Variants in PLG observed in about 807,000 individuals in gnomAD.
PLG encodes the protein plasmin.
Under a neutral mutation model 104.4 loss-of-function variants are expected in PLG, and 41 were observed. That is an observed-to-expected ratio of 0.39 (90% CI 0.31 to 0.51). The LOEUF is 0.51. Ranked by LOEUF, PLG falls within the 20% of genes least tolerant of loss-of-function variation. The probability of loss-of-function intolerance (pLI) is 0.76; values close to 1 mark genes in which losing one functional copy is unlikely to be tolerated. For missense variants in PLG, 891 were observed against 1,003.6 expected, an observed-to-expected ratio of 0.89 and a Z score of 1.52; for synonymous variants, 337 against 357.1, an observed-to-expected ratio of 0.94 and a Z score of 0.63.
chr6:160,753,503 T>C lies in PLG; in HGVS notation c.*442T>C, dbSNP rs529491948. Reference sequence around the variant, plus strand: ...GGGCTTGACATGCATTTTTACTGTCTTTATTCCTGACACTGAGATGAATGT... The same window carrying C: ...GGGCTTGACATGCATTTTTACTGTCCTTATTCCTGACACTGAGATGAATGT... On this transcript the variant is annotated 3_prime_UTR_variant, in exon 19 of 19. Transcript: ENST00000308192. The surrounding 1 kb of genome is among the most constrained non-coding windows in gnomAD (Gnocchi z 5.4). Among the ~76,000 whole-genome samples, 5 of 152,332 alleles carry C rather than the reference T, an allele frequency of 3.3e-5. No individual in the cohort carries two copies. In the South Asian group the frequency reaches 6.2e-4, roughly 19 times the overall value.
chr6:160,718,540 C>A, intron 8 of PLG, 84 bp downstream of exon 8: 1 of 1,365,930 alleles, frequency 7.3e-7, no homozygotes, highest in Non-Finnish European at 1.0e-6. Context: ...TGTAGGAACG[C>A]AGGATAAAGT....
rs1473718099 is a variant in PLG at position 160,738,363 on chromosome 6, C to G, written c.1803-175C>G. On this transcript the variant is annotated intron_variant, in intron 14 of 18. Transcript: ENST00000308192. This position sits in a 1 kb window ranked among gnomAD's most constrained non-coding sequence, Gnocchi z 6.8. ...CATAGATGGGCCCTTCTCAAAAATC[C>G]CACTCCTGGAGCACTGGCCAAAATT... 2 of 630,084 alleles carry G rather than the reference C, an allele frequency of 3.2e-6. No individual in the cohort carries two copies. The highest frequency in any genetic ancestry group is 5.8e-6 in the Non-Finnish European group (2 of 342,542). The allele number at this position is 630,084 out of a possible 1,614,324, so 39.0% of individuals were successfully genotyped here.
At chr6:160,730,880 AGTT>A in intron 10 of PLG, 168 bp from the exon 11 acceptor site, 3 of 649,396 alleles carry the variant, frequency 4.6e-6, no homozygotes, top group Non-Finnish European at 5.4e-6. Context: ...AAATGTACAC[AGTT>A]GTTTAGAAGT....
rs1331776637 is a variant in PLG, at chr6:160,740,901, A to G, written c.2019-410A>G. Among the ~76,000 whole-genome samples the G allele has an allele frequency of 1.3e-5, 2 of 152,160 alleles. No individual in the cohort carries two copies. Among genetic ancestry groups the G allele is most frequent in the African/African-American group, 4.8e-5 (2 of 41,428 alleles). On this transcript the variant is annotated intron_variant, in intron 16 of 18. Transcript: ENST00000308192. The surrounding 1 kb of genome is among the most constrained non-coding windows in gnomAD (Gnocchi z 5.2). ...GAGCAAGTTGCTCTGGGCACACAAC[A>G]CATTTGCAATTTTACAGCCTCTTGG... is the stretch of plus-strand genomic sequence containing the variant.
chr6:160,736,386 TACAC>T lies in PLG; in HGVS notation c.1682-488_1682-485del, dbSNP rs4252142. On this transcript the variant is annotated intron_variant, in intron 13 of 18. Coordinates refer to ENST00000308192, the MANE Select transcript of PLG (RefSeq NM_000301.5). This position sits in a 1 kb window ranked among gnomAD's most constrained non-coding sequence, Gnocchi z 5.2. ...GTAATCCTTGCTACATACAATCACATACACACACACACACACGTGCACACACAGA... is the reference window on the plus strand; with the variant it reads ...GTAATCCTTGCTACATACAATCACATACACACACACACGTGCACACACAGA... Among the ~76,000 whole-genome samples the T allele has an allele frequency of 1.3e-5, 2 of 150,956 alleles. No homozygotes were observed. The highest frequency in any genetic ancestry group is 2.4e-5 in the African/African-American group (1 of 41,148).
At chr6:160,728,335 T>TAA (rs3057064) in intron 10 of PLG, among the ~76,000 whole-genome samples, 10 of 111,608 alleles carry the variant, frequency 9.0e-5, no homozygotes, top group South Asian at 8.2e-4. Context: ...GCTTATATAT[T>TAA]AAGAGTCAAT....
chr6:160,707,293 G>T (rs1777546424), intron 2 of PLG, among the ~76,000 whole-genome samples: 1 of 152,138 alleles, frequency 6.6e-6, no homozygotes, highest in Admixed American at 6.5e-5. Context: ...AGGGGCCAGG[G>T]TGGGGTGGAA....
Position 160,731,264 on chromosome 6 carries a change from T to G in PLG, c.1438+32T>G, listed in dbSNP as rs533421068. ...AATCTGTGGCTGGACATCTACACAC[T>G]TGGACGCTGGGATGAAAAGCCATGG... On this transcript the variant is annotated intron_variant, in intron 11 of 18. Coordinates refer to ENST00000308192, the MANE Select transcript of PLG (RefSeq NM_000301.5). This position sits in a 1 kb window ranked among gnomAD's most constrained non-coding sequence, Gnocchi z 5.1. 1.2e-5 allele frequency: 18 copies of G among 1,555,616 alleles called. No homozygotes were observed. In the Admixed American group the frequency reaches 1.7e-4, roughly 14 times the overall value.
rs4252066 is a variant in PLG at position 160,706,093 on chromosome 6, G to A, written c.50-314G>A. 82,440 of 377,368 alleles carry A rather than the reference G, an allele frequency of 0.22. 10,689 individuals are homozygous for A. Among genetic ancestry groups the A allele is most frequent in the Non-Finnish European group, 0.28 (56,798 of 200,138 alleles). 23.4% of individuals were successfully genotyped at this position (377,368 alleles called of 1,614,324 possible). ...AAATTGCGTGACACTGAGCTTTGGG[G>A]TACAAATGATCCCATCACCCAGGTA... is the stretch of plus-strand genomic sequence containing the variant. On this transcript the variant is annotated intron_variant, in intron 1 of 18. Coordinates refer to ENST00000308192, the MANE Select transcript of PLG (RefSeq NM_000301.5).
At chr6:160,704,878 GA>G (rs1777488851) in intron 1 of PLG, among the ~76,000 whole-genome samples, 1 of 152,160 alleles carries the variant, frequency 6.6e-6, no homozygotes, top group East Asian at 1.9e-4. Flanking sequence ...GCCTTTCTGA[GA>G]ATGAAAATCT....
rs4252129 is a variant in PLG at position 160,731,873 on chromosome 6, C to T, written c.1567C>T (p.Arg523Trp). 19,169 of 1,614,034 alleles carry T rather than the reference C, an allele frequency of 0.012. 164 individuals are homozygous for T. The highest frequency in any genetic ancestry group is 0.015 in the Non-Finnish European group (17,944 of 1,179,928). Residue 523 changes from arginine to tryptophan, a missense_variant, in exon 12 of 19, where the codon CGG (arginine) becomes TGG (tryptophan). Arg to Trp is a moderately radical substitution (Grantham distance 101). Around this residue, in one of 2 missense-constraint regions of PLG, gnomAD observed 854 missense variants for 932.1 expected, o/e 0.92. Transcript: ENST00000308192. The surrounding 1 kb of genome is among the most constrained non-coding windows in gnomAD (Gnocchi z 5.1). ...HSIFTPETNP[R>W]AGLEKNYCRN... ...CATTTTCACTCCAGAGACAAATCCA[C>T]GGGCGGGTCTGGAAAAAAATGTAAG...
chr6:160,734,215 C>T lies in PLG; in HGVS notation c.1681+127C>T, dbSNP rs1031797635. ...GCTGCCCTCTCCATCAGACCCCACT[C>T]TTCATCATGGGCATCTTGAATCTGC... On this transcript the variant is annotated intron_variant, in intron 13 of 18. Transcript: ENST00000308192. This position sits in a 1 kb window ranked among gnomAD's most constrained non-coding sequence, Gnocchi z 4.4. 19 of 637,592 alleles carry T rather than the reference C, an allele frequency of 3.0e-5. No homozygotes were observed. The highest frequency in any genetic ancestry group is 2.9e-4 in the African/African-American group (16 of 54,586). 39.5% of individuals were successfully genotyped at this position (637,592 alleles called of 1,614,324 possible). A position where few individuals can be genotyped will look rare whatever the true frequency, so the allele number is the denominator to read the frequency against.
intron 17 of PLG, among the ~76,000 whole-genome samples, chr6:160,745,039 C>A (rs552537869): frequency 3.3e-5 from 5 of 152,224 alleles, no homozygotes; most frequent in African/African-American, 1.2e-4. Context: ...GATTTTGGTT[C>A]TTTGGCACTT....
rs1426904475 is a variant in PLG, at chr6:160,719,231, C to T, written c.1096+393C>T. The stretch of plus-strand genomic sequence containing the variant: ...AAATTAGTCTATTTCTCTTTTAGAT[C>T]GTAACTCTTTTGTATATTTTGAAGC... On this transcript the variant is annotated intron_variant, in intron 9 of 18. Coordinates refer to ENST00000308192, the MANE Select transcript of PLG (RefSeq NM_000301.5). The surrounding 1 kb of genome is among the most constrained non-coding windows in gnomAD (Gnocchi z 4.1). Among the ~76,000 whole-genome samples, 1 of 152,030 alleles carries T rather than the reference C, an allele frequency of 6.6e-6. No homozygotes were observed. Among genetic ancestry groups the T allele is most frequent in the East Asian group, 1.9e-4 (1 of 5,194 alleles).
At position 160,719,469 on chromosome 6, in the gene PLG, A is replaced by C. The variant is rs1256538596; in HGVS notation, c.1096+631A>C. Among the ~76,000 whole-genome samples, 1 of 152,038 alleles carries C rather than the reference A, an allele frequency of 6.6e-6. No homozygotes were observed. The highest frequency in any genetic ancestry group is 1.5e-5 in the Non-Finnish European group (1 of 68,006). On this transcript the variant is annotated intron_variant, in intron 9 of 18. Coordinates refer to ENST00000308192, the MANE Select transcript of PLG (RefSeq NM_000301.5). This position sits in a 1 kb window ranked among gnomAD's most constrained non-coding sequence, Gnocchi z 4.1. ...TTAAATTTGTATGATATATCTTTTA[A>C]ATTTATCTGAGCTTTTAAATTGAGA... is the stretch of plus-strand genomic sequence containing the variant.
At position 160,738,655 on chromosome 6, in the gene PLG, C is replaced by G. The variant is rs369974331; in HGVS notation, c.1877+43C>G. The G allele has an allele frequency of 5.1e-5, 64 of 1,245,566 alleles. No homozygotes were observed. The highest frequency in any genetic ancestry group is 3.1e-5 in the Non-Finnish European group (26 of 843,670). 77.2% of individuals were successfully genotyped at this position (1,245,566 alleles called of 1,614,324 possible). On this transcript the variant is annotated intron_variant, in intron 15 of 18. Transcript: ENST00000308192. This position sits in a 1 kb window ranked among gnomAD's most constrained non-coding sequence, Gnocchi z 6.8. ...TTGACATGAAGTCTTGTCTTAAATA[C>G]TTTTTCTGTCCTTCTTTTCCTCCTT...
rs1293215579 is a variant in PLG, at chr6:160,738,880, C to T, written c.1878-188C>T. Among the ~76,000 whole-genome samples, 1 of 152,084 alleles carries T rather than the reference C, an allele frequency of 6.6e-6. No individual in the cohort carries two copies. The highest frequency in any genetic ancestry group is 2.4e-5 in the African/African-American group (1 of 41,400). ...CTACCATAGGCTGTATCAGTCTCTG[C>T]CCAAACAGCCCAAGAACATTCCTTA... On this transcript the variant is annotated intron_variant, in intron 15 of 18. Transcript: ENST00000308192. The surrounding 1 kb of genome is among the most constrained non-coding windows in gnomAD (Gnocchi z 6.8).
At chr6:160,727,079 TA>T (rs1380810379) in intron 10 of PLG, among the ~76,000 whole-genome samples, 1 of 149,766 alleles carries the variant, frequency 6.7e-6, no homozygotes, top group Admixed American at 6.6e-5. Context: ...ACATCAGGAG[TA>T]AAAAAAGGGA....
Position 160,731,421 on chromosome 6 carries a change from G to A in PLG, c.1438+189G>A, listed in dbSNP as rs986888694. On this transcript the variant is annotated intron_variant, in intron 11 of 18. Transcript: ENST00000308192. This position sits in a 1 kb window ranked among gnomAD's most constrained non-coding sequence, Gnocchi z 5.1. ...AGGTGTGACTTTTGGCACAACGTGAGTGGGCTGTGCCTTTAGGACAGGTGC... is the reference window on the plus strand; with the variant it reads ...AGGTGTGACTTTTGGCACAACGTGAATGGGCTGTGCCTTTAGGACAGGTGC... Among the ~76,000 whole-genome samples, 2 of 152,228 alleles carry A rather than the reference G, an allele frequency of 1.3e-5. No homozygotes were observed. Among genetic ancestry groups the A allele is most frequent in the Non-Finnish European group, 2.9e-5 (2 of 68,046 alleles).
Sources: gnomAD v4.1 joint callset for allele counts (sites outside exome capture counted in the v4.1 genomes callset) on GRCh38, gnomAD v4.1.1 for gene constraint, gnomAD v4.1.1 regional missense constraint, Gnocchi (gnomAD v3.1) non-coding constraint, MANE v1.5 for transcripts, NCBI Gene and HGNC (gene_info 2026-07-23, HGNC 2026-07-21) for gene names.